The following SPSB1 variants were observed in gnomAD, a reference collection of about 807,000 sequenced individuals.
SPSB1 encodes SPRY domain-containing SOCS box protein 1.
Under a neutral mutation model 21.2 loss-of-function variants are expected in SPSB1, and 8 were observed. The observed-to-expected ratio is 0.38, with a 90% CI of 0.22 to 0.68. SPSB1 has a LOEUF of 0.68. SPSB1 is among the 30% of genes least tolerant of loss of function. SPSB1 has a pLI of 0.53. For missense variants in SPSB1, 242 were observed against 377.8 expected (o/e 0.64, Z 2.98); for synonymous variants, 169 against 161.7 (o/e 1.05, Z -0.34).
intron 1 of SPSB1, among the ~76,000 whole-genome samples, chr1:9,332,498 G>T (rs1639937489): frequency 6.6e-6 from 1 of 152,206 alleles, no homozygotes; most frequent in South Asian, 2.1e-4. Context: ...ATGTATGAGT[G>T]GGAGCAGGGT....
At chr1:9,314,067 C>A (rs1639568949) in intron 1 of SPSB1, among the ~76,000 whole-genome samples, 1 of 151,390 alleles carries the variant, frequency 6.6e-6, no homozygotes, top group Admixed American at 6.6e-5. Context: ...TCCCAGCTAC[C>A]TGGGAGGCTG....
chr1:9,367,562 T>C lies in SPSB1; in HGVS notation c.809T>C (p.Leu270Pro), dbSNP rs752975296. The C allele has an allele frequency of 6.2e-7, 1 of 1,610,720 alleles. No homozygotes were observed. The highest frequency in any genetic ancestry group is 8.5e-7 in the Non-Finnish European group (1 of 1,178,166). ...LPLPASLKAY[L>P]LYQ ...CTGCCGGCTTCCCTCAAGGCCTACC[T>C]CCTCTACCAGTGACGTTCGCCATCA... Residue 270 changes from leucine (L) to proline (P), a missense_variant, in exon 3 of 3, where the codon CTC becomes CCC. Leu to Pro is a moderately conservative substitution (Grantham distance 98). Coordinates refer to ENST00000328089, the MANE Select transcript of SPSB1 (RefSeq NM_025106.4). The surrounding 1 kb of genome is among the most constrained non-coding windows in gnomAD (Gnocchi z 5.9).
Position 9,356,199 on chromosome 1 carries a change from C to T in SPSB1, c.308C>T (p.Thr103Met), listed in dbSNP as rs766691929. 3.1e-6 allele frequency: 5 copies of T among 1,590,052 alleles called. No individual in the cohort carries two copies. The highest frequency in any genetic ancestry group is 3.4e-6 in the Non-Finnish European group (4 of 1,166,294). The change falls in exon 2 of 3, where the codon ACG (threonine) becomes ATG (methionine). Residue 103 changes from threonine to methionine, a missense_variant. Physicochemically the swap from Thr to Met is moderately conservative, Grantham distance 81. Transcript: ENST00000328089. The surrounding 1 kb of genome is among the most constrained non-coding windows in gnomAD (Gnocchi z 7.4). ...YTRGLHVWQI[T>M]WAMRQRGTHA... ...CGTGGGCTGCACGTGTGGCAGATCA[C>T]GTGGGCCATGAGACAGCGGGGCACA...
intron 1 of SPSB1, among the ~76,000 whole-genome samples, chr1:9,330,964 C>G (rs1013716333): frequency 6.6e-6 from 1 of 151,846 alleles, no homozygotes; most frequent in African/African-American, 2.4e-5. Context: ...AAAAAAAAAT[C>G]CTAAATCTTT....
At chr1:9,304,867 C>T (rs1639387161) in intron 1 of SPSB1, among the ~76,000 whole-genome samples, 1 of 152,130 alleles carries the variant, frequency 6.6e-6, no homozygotes, top group Non-Finnish European at 1.5e-5. Context: ...AAGACGGTGT[C>T]TCCCTATGTT....
rs187518227 is a variant in SPSB1, at chr1:9,316,383, T to A, written c.-150+23312T>A. ...CTGGGGCACAAGGGAGGGGCATGTG[T>A]GCACGTGTATTTATGTGTGTGCATA... On this transcript the variant is annotated intron_variant, in intron 1 of 2. Transcript: ENST00000328089. Among the ~76,000 whole-genome samples, 8 of 152,320 alleles carry A rather than the reference T, an allele frequency of 5.3e-5. No individual in the cohort carries two copies. The East Asian group carries it at 1.3e-3, about 26-fold the overall frequency.
At chr1:9,313,284 C>G (rs1489539223) in intron 1 of SPSB1, among the ~76,000 whole-genome samples, 1 of 152,130 alleles carries the variant, frequency 6.6e-6, no homozygotes, top group African/African-American at 2.4e-5. Flanking sequence ...CCTATAATCC[C>G]AGCTACTTGG....
chr1:9,364,819 T>G (rs1557468674), intron 2 of SPSB1, among the ~76,000 whole-genome samples: 1 of 146,472 alleles, frequency 6.8e-6, no homozygotes, highest in Admixed American at 6.7e-5. Context: ...TTGGGGTTTT[T>G]TTGTTGTTGT....
intron 1 of SPSB1, among the ~76,000 whole-genome samples, chr1:9,328,512 GAGCTGATTT>G (rs1370645573): frequency 6.6e-6 from 1 of 152,240 alleles, no homozygotes; most frequent in African/African-American, 2.4e-5. Context: ...TTCGGGGGAA[GAGCTGATTT>G]CTTTCAATGC....
At chr1:9,360,491 C>T (rs917050671) in intron 2 of SPSB1, among the ~76,000 whole-genome samples, 8 of 152,130 alleles carry the variant, frequency 5.3e-5, no homozygotes, top group African/African-American at 9.7e-5. Context: ...ACAGCAGAAG[C>T]GCTCAGGAGG....
chr1:9,301,360 C>T (rs557499826), intron 1 of SPSB1, among the ~76,000 whole-genome samples: 14 of 152,148 alleles, frequency 9.2e-5, no homozygotes, highest in Admixed American at 5.2e-4. Context: ...ATTAGCTGGG[C>T]GTGGTAGCTC....
chr1:9,306,002 G>A (rs1374977386), intron 1 of SPSB1, among the ~76,000 whole-genome samples: 1 of 152,202 alleles, frequency 6.6e-6, no homozygotes, highest in Non-Finnish European at 1.5e-5. Context: ...AGTAACGTGG[G>A]AGAGGGGTTC....
In SPSB1 at chr1:9,356,703, T is replaced by C; in HGVS notation, c.694+118T>C. On this transcript the variant is annotated intron_variant, in intron 2 of 2. Coordinates refer to ENST00000328089, the MANE Select transcript of SPSB1 (RefSeq NM_025106.4). The surrounding 1 kb of genome is among the most constrained non-coding windows in gnomAD (Gnocchi z 7.4). ...GAGTGTTTTGAAGACGATATTCCAG[T>C]GTATTCAGACCCTCAGAGGCAACTT... is the stretch of plus-strand genomic sequence containing the variant. The C allele has an allele frequency of 6.9e-7, 1 of 1,444,476 alleles. No homozygotes were observed. The allele number at this position is 1,444,476 out of a possible 1,614,324, so 89.5% of individuals were successfully genotyped here.
At position 9,356,473 on chromosome 1, in the gene SPSB1, A is replaced by T; in HGVS notation, c.582A>T (p.Gly194=). Residue 194 remains glycine (G), a synonymous_variant, in exon 2 of 3, where the codon GGA becomes GGT. Coordinates refer to ENST00000328089, the MANE Select transcript of SPSB1 (RefSeq NM_025106.4). This position sits in a 1 kb window ranked among gnomAD's most constrained non-coding sequence, Gnocchi z 7.4. ...DDGTLSFIVD[G]QYMGVAFRGL... ...GGACTCTGAGCTTCATTGTGGATGG[A>T]CAGTACATGGGAGTGGCTTTTCGGG... The T allele has an allele frequency of 6.2e-7, 1 of 1,614,022 alleles. No homozygotes were observed. The highest frequency in any genetic ancestry group is 2.2e-5 in the East Asian group (1 of 44,888).
rs1187645442 is a variant in SPSB1, at chr1:9,305,948, G to A, written c.-150+12877G>A. ...CATGTGTGGCCAAAATGAGTGCAGA[G>A]AGGCAGGAGGGCCCACAGACCTGGG... On this transcript the variant is annotated intron_variant, in intron 1 of 2. Transcript: ENST00000328089. This position sits in a 1 kb window ranked among gnomAD's most constrained non-coding sequence, Gnocchi z 4.8. Among the ~76,000 whole-genome samples the A allele has an allele frequency of 1.3e-5, 2 of 152,326 alleles. No homozygotes were observed. Among genetic ancestry groups the A allele is most frequent in the African/African-American group, 4.8e-5 (2 of 41,580 alleles).
At chr1:9,364,830 T>G (rs59017869) in intron 2 of SPSB1, among the ~76,000 whole-genome samples, 6,711 of 151,582 alleles carry the variant, frequency 0.044, 507 homozygotes, top group African/African-American at 0.15. Context: ...TTGTTGTTGT[T>G]TTGTTGTTGT....
chr1:9,294,516 G>A (rs886404894), intron 1 of SPSB1: 3 of 152,256 alleles, frequency 2.0e-5, no homozygotes, highest in African/African-American at 7.2e-5. Flanking sequence ...CCCGAGGAGA[G>A]CGCAGGCTCT....
chr1:9,362,192 C>CCCTT (rs376060720), intron 2 of SPSB1, among the ~76,000 whole-genome samples: 4,318 of 150,058 alleles, frequency 0.029, 98 homozygotes, highest in African/African-American at 0.067. Context: ...CTCCCTCCCT[C>CCCTT]CCTTCCTTCC....
chr1:9,295,941 G>A (rs538128905), intron 1 of SPSB1, among the ~76,000 whole-genome samples: 42 of 152,184 alleles, frequency 2.8e-4, no homozygotes, highest in Non-Finnish European at 4.4e-4. Context: ...AGTCTGCCCA[G>A]GGGTGTGTTA....
Sources: allele counts gnomAD v4.1 joint callset (sites outside exome capture counted in the v4.1 genomes callset), GRCh38; gene constraint gnomAD v4.1.1; non-coding constraint Gnocchi (gnomAD v3.1); transcripts MANE v1.5; gene names NCBI Gene and HGNC (gene_info 2026-07-23, HGNC 2026-07-21).